IL1RAPL2: variants seen among roughly 807,000 people sequenced by gnomAD.
The protein encoded by IL1RAPL2 is X-linked interleukin-1 receptor accessory protein-like 2.
A neutral mutation model predicts 44.1 loss-of-function variants in IL1RAPL2; 3 were observed. The observed-to-expected ratio is 0.07, with a 90% confidence interval of 0.03 to 0.18. IL1RAPL2 has a LOEUF of 0.18. IL1RAPL2 is among the 10% of genes least tolerant of loss of function. The pLI, the probability that IL1RAPL2 is intolerant of heterozygous loss-of-function variation, is 1.00. For missense variants in IL1RAPL2, 391 were observed against 496.4 expected (o/e 0.79, Z 2.02); for synonymous variants, 181 against 178.8 (o/e 1.01, Z -0.10).
intron 2 of IL1RAPL2, among the ~76,000 whole-genome samples, chrX:105,078,229 G>T (rs1602940843): frequency 8.9e-6 from 1 of 111,752 alleles, no homozygotes; most frequent in Non-Finnish European, 1.9e-5. Flanking sequence ...TGTCCTTTCT[G>T]TTTGTCAGTT....
intron 5 of IL1RAPL2, among the ~76,000 whole-genome samples, chrX:105,370,842 A>G (rs778268856): frequency 8.9e-6 from 1 of 112,105 alleles, no homozygotes; most frequent in African/African-American, 3.2e-5. Flanking sequence ...TCCACGTGGG[A>G]TTTACATTCC....
At chrX:105,023,180 T>G (rs891119349) in intron 2 of IL1RAPL2, among the ~76,000 whole-genome samples, 79 of 110,797 alleles carry the variant, frequency 7.1e-4, no homozygotes, top group Non-Finnish European at 8.2e-4. Context: ...GAACCCCAAT[T>G]TTAGTTGCTT....
At chrX:105,337,159 C>A (rs999417215) in intron 5 of IL1RAPL2, among the ~76,000 whole-genome samples, 1 of 112,106 alleles carries the variant, frequency 8.9e-6, no homozygotes, top group African/African-American at 3.2e-5. Context: ...TAAGCCAGTA[C>A]CTTTTATATA....
intron 2 of IL1RAPL2, among the ~76,000 whole-genome samples, chrX:104,875,044 G>C (rs1228817885): frequency 9.0e-6 from 1 of 111,561 alleles, no homozygotes; most frequent in African/African-American, 3.3e-5. Context: ...ATATTATTCT[G>C]AGATCTTCCT....
intron 5 of IL1RAPL2, among the ~76,000 whole-genome samples, chrX:105,420,010 G>A (rs952894715): frequency 9.1e-6 from 1 of 109,833 alleles, no homozygotes; most frequent in African/African-American, 3.3e-5. Context: ...ATGATCCAGT[G>A]TTTTGAACTT....
intron 5 of IL1RAPL2, among the ~76,000 whole-genome samples, chrX:105,468,844 G>A (rs1256310787): frequency 8.9e-6 from 1 of 112,013 alleles, no homozygotes; most frequent in African/African-American, 3.2e-5. Context: ...CAGATGAGAG[G>A]AAGTTGGGAG....
intron 5 of IL1RAPL2, among the ~76,000 whole-genome samples, chrX:105,425,710 G>T (rs1032965988): frequency 9.1e-6 from 1 of 110,464 alleles, no homozygotes; most frequent in African/African-American, 3.3e-5. Flanking sequence ...ACAAGGTACT[G>T]AAATGAAGTT....
Position 105,151,917 on chromosome X carries a change from A to G in IL1RAPL2, c.83-43558A>G, listed in dbSNP as rs146229103. 4.6e-3 allele frequency among the ~76,000 whole-genome samples: 513 copies of G among 111,626 alleles called. 3 individuals are homozygous for G. Among genetic ancestry groups the G allele is most frequent in the Non-Finnish European group, 7.8e-3 (412 of 53,143 alleles). On this transcript the variant is annotated intron_variant, in intron 2 of 10. Coordinates refer to ENST00000372582, the MANE Select transcript of IL1RAPL2 (RefSeq NM_017416.2). The stretch of plus-strand genomic sequence containing the variant: ...TCAGGAATGGAAAACCAAACATCAC[A>G]TATTTTCACTCATATGTCTGAACTA...
At chrX:105,484,705 G>A (rs1352840559) in intron 6 of IL1RAPL2, among the ~76,000 whole-genome samples, 1 of 111,613 alleles carries the variant, frequency 9.0e-6, no homozygotes, top group Admixed American at 9.6e-5. Context: ...ATACATGTCA[G>A]CCAAAATTTT....
intron 2 of IL1RAPL2, among the ~76,000 whole-genome samples, chrX:104,908,098 C>A (rs1924086473): frequency 9.1e-6 from 1 of 110,283 alleles, no homozygotes; most frequent in Non-Finnish European, 1.9e-5. Flanking sequence ...GGTTTAAAGT[C>A]TGTTTTATCA....
chrX:105,293,116 C>CA (rs10566162), intron 5 of IL1RAPL2, among the ~76,000 whole-genome samples: 4 of 50,849 alleles, frequency 7.9e-5, no homozygotes, highest in Non-Finnish European at 8.3e-5. Flanking sequence ...CGACTCTGTC[C>CA]AAAAAAAAAA....
At chrX:104,810,907 C>T (rs1263018059) in intron 2 of IL1RAPL2, among the ~76,000 whole-genome samples, 1 of 112,246 alleles carries the variant, frequency 8.9e-6, no homozygotes, top group Non-Finnish European at 1.9e-5. Context: ...TAGTTATACC[C>T]AGTATCCACT....
intron 2 of IL1RAPL2, among the ~76,000 whole-genome samples, chrX:104,931,996 ATT>A (rs34874206): frequency 3.1e-4 from 26 of 84,773 alleles, no homozygotes; most frequent in East Asian, 1.1e-3. Context: ...ATATATATAT[ATT>A]TTTTTTTTTT....
intron 5 of IL1RAPL2, among the ~76,000 whole-genome samples, chrX:105,417,917 C>T (rs1384410100): frequency 1.8e-5 from 2 of 111,758 alleles, no homozygotes; most frequent in African/African-American, 6.5e-5. Context: ...ATACCCTTTC[C>T]TCTTTTTCCA....
chrX:105,257,786 G>A (rs761358296), intron 4 of IL1RAPL2, among the ~76,000 whole-genome samples: 2 of 112,011 alleles, frequency 1.8e-5, no homozygotes, highest in Non-Finnish European at 3.8e-5. Flanking sequence ...TTGCTTGGTA[G>A]ATTTTCCTTC....
intron 2 of IL1RAPL2, among the ~76,000 whole-genome samples, chrX:105,181,555 T>C (rs1463262548): frequency 3.6e-5 from 4 of 112,135 alleles, no homozygotes; most frequent in African/African-American, 1.3e-4. Context: ...ATTTCCTTCT[T>C]AATTTCTTCA....
At chrX:105,203,136 T>C (rs1556148100) in intron 3 of IL1RAPL2, among the ~76,000 whole-genome samples, 1 of 112,238 alleles carries the variant, frequency 8.9e-6, no homozygotes, top group Non-Finnish European at 1.9e-5. Flanking sequence ...TCCAGCCTGT[T>C]ACCACAGATG....
chrX:105,142,385 G>C (rs1418713986), intron 2 of IL1RAPL2, among the ~76,000 whole-genome samples: 1 of 111,193 alleles, frequency 9.0e-6, no homozygotes, highest in Non-Finnish European at 1.9e-5. Context: ...GTTTTGTGCT[G>C]TTCATTTCTC....
rs1009074079 is a variant in IL1RAPL2 at position 104,647,975 on chromosome X, A to G, written c.-19-10920A>G. On this transcript the variant is annotated intron_variant, in intron 1 of 10. Transcript: ENST00000372582. ...AGCTAAGGCCAGGCCAAACTTGCCAATGGACACAAACACTTTGGCAGCCAT... is the reference window on the plus strand; with the variant it reads ...AGCTAAGGCCAGGCCAAACTTGCCAGTGGACACAAACACTTTGGCAGCCAT... 4.9e-6 allele frequency: 4 copies of G among 819,479 alleles called. No individual in the cohort carries two copies. In the African/African-American group the frequency reaches 8.1e-5, roughly 17 times the overall value. 67.5% of individuals were successfully genotyped at this position (819,479 alleles called of 1,213,427 possible).
Sources: gnomAD v4.1 joint callset for allele counts (sites outside exome capture counted in the v4.1 genomes callset) on GRCh38, gnomAD v4.1.1 for gene constraint, MANE v1.5 for transcripts, NCBI Gene and HGNC (gene_info 2026-07-23, HGNC 2026-07-21) for gene names.